Variants in ST7L observed in about 807,000 individuals in gnomAD.
The protein encoded by ST7L is suppression of tumorigenicity 7 like.
In ST7L, 57 loss-of-function variants were observed where a neutral mutation model predicts 72.5. The observed-to-expected ratio is 0.79, with a 90% CI of 0.64 to 0.98. The LOEUF is 0.98. Ranked by LOEUF, ST7L falls within the 50% of genes least tolerant of loss-of-function variation. ST7L has a pLI of 0.00. For synonymous variants in ST7L, 221 were observed against 240.9 expected (o/e 0.92, Z 0.77); for missense variants, 576 against 672.2 (o/e 0.86, Z 1.58).
At chr1:112,521,662 TCCA>T (rs1402937844), downstream of ST7L, 53 of 152,328 alleles carry the variant, frequency 3.5e-4, no homozygotes, top group African/African-American at 1.1e-3. Context: ...TTAGTGACTC[TCCA>T]AGTCCTAGTG....
At chr1:112,529,904 C>T (rs376359831) in intron 14 of ST7L, 2 of 152,068 alleles carry the variant, frequency 1.3e-5, no homozygotes, top group South Asian at 4.2e-4. Flanking sequence ...CTAGTTTGAA[C>T]AGGAATGCAG....
chr1:112,568,721 A>G (rs200964997), intron 11 of ST7L, among the ~76,000 whole-genome samples: 1 of 146,188 alleles, frequency 6.8e-6, no homozygotes, highest in Non-Finnish European at 1.5e-5. Context: ...ACAAAAAAAC[A>G]AATTTAGGCC....
chr1:112,555,803 AGACT>A, intron 12 of ST7L, 61 bp downstream of exon 12: 1 of 1,345,994 alleles, frequency 7.4e-7, no homozygotes, highest in Non-Finnish European at 9.8e-7. Flanking sequence ...TCATTTAAAA[AGACT>A]GCCTGTGAAT....
rs538775243 is a variant in ST7L, at chr1:112,534,563, A to C, written c.1629+7388T>G. 2.6e-5 allele frequency among the ~76,000 whole-genome samples: 4 copies of C among 152,308 alleles called. No individual in the cohort carries two copies. In the South Asian group the frequency reaches 6.2e-4, roughly 24 times the overall value. ...ATATATTATGTAGTCTCACTAATTT[A>C]GTTCATTTGATTGGTAGGGGAAGGG... On this transcript the variant is annotated intron_variant, in intron 14 of 14. Coordinates refer to ENST00000358039, the MANE Select transcript of ST7L (RefSeq NM_017744.5).
At chr1:112,607,711 A>G (rs898899969) in intron 3 of ST7L, 2 of 152,174 alleles carry the variant, frequency 1.3e-5, no homozygotes, top group African/African-American at 4.8e-5. Flanking sequence ...AACTAAAAAA[A>G]AAACCCAAAG....
At chr1:112,610,570 C>T (rs762185805) in intron 3 of ST7L, 7 of 345,766 alleles carry the variant, frequency 2.0e-5, no homozygotes, top group South Asian at 8.3e-5. Context: ...TCACAGACGG[C>T]GCCTTCTCGT....
intron 13 of ST7L, among the ~76,000 whole-genome samples, chr1:112,548,711 T>C (rs1446996942): frequency 6.6e-6 from 1 of 152,220 alleles, no homozygotes; most frequent in Non-Finnish European, 1.5e-5. Context: ...TTCGGCATGG[T>C]TGCTTCTCAG....
intron 9 of ST7L, among the ~76,000 whole-genome samples, chr1:112,581,169 A>C (rs1335368882): frequency 6.6e-6 from 1 of 152,162 alleles, no homozygotes; most frequent in Non-Finnish European, 1.5e-5. Context: ...ACTAAAAAGC[A>C]TTGTAAAAAT....
At chr1:112,556,796 C>T (rs936134856) in intron 11 of ST7L, among the ~76,000 whole-genome samples, 18 of 151,326 alleles carry the variant, frequency 1.2e-4, no homozygotes, top group African/African-American at 4.1e-4. Context: ...GGTGAAACCC[C>T]ATCTCTACTA....
intron 5 of ST7L, among the ~76,000 whole-genome samples, chr1:112,597,073 A>T (rs1472120180): frequency 3.9e-5 from 6 of 152,382 alleles, no homozygotes; most frequent in Non-Finnish European, 5.9e-5. Context: ...AAAGACAAAC[A>T]TGAAAGCAAT....
At chr1:112,602,840 C>A (rs1441881294) in intron 3 of ST7L, among the ~76,000 whole-genome samples, 2 of 151,792 alleles carry the variant, frequency 1.3e-5, no homozygotes, top group East Asian at 3.9e-4. Flanking sequence ...CTCAGCCTCC[C>A]GAGTAGCTGG....
At chr1:112,554,100 C>T (rs1658699631) in intron 12 of ST7L, among the ~76,000 whole-genome samples, 2 of 152,148 alleles carry the variant, frequency 1.3e-5, no homozygotes, top group African/African-American at 4.8e-5. Flanking sequence ...TCCAAGGTGC[C>T]TCAGAGTAGT....
At chr1:112,576,176 G>A (rs766296989) in intron 11 of ST7L, among the ~76,000 whole-genome samples, 5 of 151,820 alleles carry the variant, frequency 3.3e-5, no homozygotes, top group Non-Finnish European at 7.4e-5. Flanking sequence ...CTACAGTCTC[G>A]ACCTCCTGGA....
chr1:112,597,480 T>TA (rs1393431027), intron 5 of ST7L, among the ~76,000 whole-genome samples: 4 of 152,282 alleles, frequency 2.6e-5, no homozygotes, highest in Non-Finnish European at 4.4e-5. Flanking sequence ...ACCATAAAAT[T>TA]AAGAGTCTCA....
intron 11 of ST7L, among the ~76,000 whole-genome samples, chr1:112,575,065 C>T (rs905026780): frequency 1.3e-5 from 2 of 152,054 alleles, no homozygotes; most frequent in Non-Finnish European, 2.9e-5. Flanking sequence ...GGTGAAACCT[C>T]GTCTCTACTA....
rs1337495404 is a variant in ST7L at position 112,526,010 on chromosome 1, G to A, written c.*3C>T. On this transcript the variant is annotated 3_prime_UTR_variant, in exon 15 of 15. Coordinates refer to ENST00000358039, the MANE Select transcript of ST7L (RefSeq NM_017744.5). ...GTCCAAGGTCACATGAACAGTGCGT[G>A]GCTCAGCCAGAACTCAAACCTAGGT... is the stretch of plus-strand genomic sequence containing the variant. The A allele has an allele frequency of 6.2e-7, 1 of 1,613,972 alleles. No individual in the cohort carries two copies.
intron 14 of ST7L, among the ~76,000 whole-genome samples, chr1:112,530,559 C>T (rs930710673): frequency 1.3e-5 from 2 of 152,128 alleles, no homozygotes; most frequent in East Asian, 1.9e-4. Flanking sequence ...GGATTACAGG[C>T]GCCTGCCACC....
chr1:112,613,590 C>A (rs537537079), intron 2 of ST7L, among the ~76,000 whole-genome samples: 68 of 152,182 alleles, frequency 4.5e-4, no homozygotes, highest in Non-Finnish European at 8.2e-4. Context: ...ACACAACAAC[C>A]TTTGCTAATA....
At chr1:112,568,889 A>ATATAT (rs1553247624) in intron 11 of ST7L, among the ~76,000 whole-genome samples, 23 of 115,568 alleles carry the variant, frequency 2.0e-4, no homozygotes, top group African/African-American at 5.7e-4. Flanking sequence ...TATATATATA[A>ATATAT]AACAAAAATT....
Sources: allele counts gnomAD v4.1 joint callset (sites outside exome capture counted in the v4.1 genomes callset), GRCh38; gene constraint gnomAD v4.1.1; transcripts MANE v1.5; gene names NCBI Gene and HGNC (gene_info 2026-07-23, HGNC 2026-07-21).